The following MARVELD1 variants were observed in gnomAD, a reference collection of about 807,000 sequenced individuals.
The protein encoded by MARVELD1 is MARVEL domain-containing protein 1.
MARVELD1 carries 7 observed loss-of-function variants against 11.3 expected under a neutral mutation model. The ratio of observed to expected loss-of-function variants is 0.62; its 90% CI spans 0.35 to 1.16. The LOEUF (loss-of-function observed/expected upper bound fraction) is 1.16. MARVELD1 is among the 50% of genes most tolerant of loss of function. The pLI is 0.02. For missense variants in MARVELD1, 216 were observed against 243.8 expected (o/e 0.89, Z 0.76); for synonymous variants, 119 against 121.4 (o/e 0.98, Z 0.13).
chr10:97,716,866 C>T (rs540559760), intron 1 of MARVELD1, among the ~76,000 whole-genome samples: 1 of 152,218 alleles, frequency 6.6e-6, no homozygotes, highest in East Asian at 1.9e-4. Flanking sequence ...GGATTTGAAC[C>T]CTGGCAGCCT....
chr10:97,713,909 C>G lies in MARVELD1; in HGVS notation c.33C>G (p.Pro11=), dbSNP rs11189342. ...CGCCGCCCCCGCGCCAGCCGCCGCCCCAGGCGCGTGCGGCCCGCGGCGCGG... is the reference window on the plus strand; with the variant it reads ...CGCCGCCCCCGCGCCAGCCGCCGCCGCAGGCGCGTGCGGCCCGCGGCGCGG... MLPPPPRQPP[P]QARAARGAVR... Residue 11 remains proline, a synonymous_variant, in exon 1 of 2, where the codon CCC becomes CCG. Coordinates refer to ENST00000285605, the MANE Select transcript of MARVELD1 (RefSeq NM_031484.4). The surrounding 1 kb of genome is among the most constrained non-coding windows in gnomAD (Gnocchi z 5.7). The G allele has an allele frequency of 0.28, 322,578 of 1,162,612 alleles. 50,072 individuals are homozygous for G. Among genetic ancestry groups the G allele is most frequent in the East Asian group, 0.65 (13,848 of 21,388 alleles). 72.0% of individuals were successfully genotyped at this position (1,162,612 alleles called of 1,614,324 possible). A position where few individuals can be genotyped will look rare whatever the true frequency, so the allele number is the denominator to read the frequency against.
chr10:97,714,282 G>T lies in MARVELD1; in HGVS notation c.406G>T (p.Ala136Ser). The change falls in exon 1 of 2, where the codon GCC (alanine) becomes TCC (serine). Residue 136 changes from alanine to serine, a missense_variant. Coordinates refer to ENST00000285605, the MANE Select transcript of MARVELD1 (RefSeq NM_031484.4). This position sits in a 1 kb window ranked among gnomAD's most constrained non-coding sequence, Gnocchi z 7.4. Reference protein sequence around the residue: ...CNLKDYPLPCAYHAFLAAAVC... With the variant: ...CNLKDYPLPCSYHAFLAAAVC... ...CCTCAAGGATTACCCGCTCCCCTGC[G>T]CCTACCACGCCTTCCTGGCGGCCGC... The T allele has an allele frequency of 4.6e-6, 7 of 1,536,484 alleles. No individual in the cohort carries two copies. Among genetic ancestry groups the T allele is most frequent in the Non-Finnish European group, 6.1e-6 (7 of 1,146,706 alleles).
At position 97,714,616 on chromosome 10, in the gene MARVELD1, G is replaced by C. The variant is rs1000022448; in HGVS notation, c.*218G>C. 2.1e-6 allele frequency: 1 copy of C among 478,154 alleles called. No homozygotes were observed. The highest frequency in any genetic ancestry group is 3.6e-6 in the Non-Finnish European group (1 of 274,772). 29.6% of individuals were successfully genotyped at this position (478,154 alleles called of 1,614,324 possible). A position where few individuals can be genotyped will look rare whatever the true frequency, so the allele number is the denominator to read the frequency against. On this transcript the variant is annotated 3_prime_UTR_variant, in exon 1 of 2. Coordinates refer to ENST00000285605, the MANE Select transcript of MARVELD1 (RefSeq NM_031484.4). This position sits in a 1 kb window ranked among gnomAD's most constrained non-coding sequence, Gnocchi z 7.4. Reference sequence around the variant, plus strand: ...GCCCAGAATCCCAGCCCAGAATCCCGACCGCCGCGCCGGACGCGCCGTCTC... The same window carrying C: ...GCCCAGAATCCCAGCCCAGAATCCCCACCGCCGCGCCGGACGCGCCGTCTC...
chr10:97,714,357 G>C lies in MARVELD1; in HGVS notation c.481G>C (p.Gly161Arg). 1 of 1,531,578 alleles carries C rather than the reference G, an allele frequency of 6.5e-7. No homozygotes were observed. Among genetic ancestry groups the C allele is most frequent in the Non-Finnish European group, 8.7e-7 (1 of 1,145,072 alleles). The allele number at this position is 1,531,578 out of a possible 1,614,324, so 94.9% of individuals were successfully genotyped here. A position where few individuals can be genotyped will look rare whatever the true frequency, so the allele number is the denominator to read the frequency against. Residue 161 changes from glycine (G) to arginine (R), a missense_variant, in exon 1 of 2, where the codon GGC becomes CGC. By Grantham distance (125) the Gly-to-Arg change is moderately radical. Transcript: ENST00000285605. The surrounding 1 kb of genome is among the most constrained non-coding windows in gnomAD (Gnocchi z 7.4). ...HGLYLLSALY[G>R]CGRRCQGKQE... is the part of the protein sequence containing the mutation. ...CCTCTACCTGCTTTCGGCGCTCTAT[G>C]GCTGCGGGCGTCGCTGCCAGGGCAA...
Position 97,713,896 on chromosome 10 carries a change from G to A in MARVELD1, c.20G>A (p.Arg7His). The change falls in exon 1 of 2, where the codon CGC becomes CAC. Residue 7 changes from arginine to histidine, a missense_variant. Physicochemically the swap from Arg to His is conservative, Grantham distance 29. Coordinates refer to ENST00000285605, the MANE Select transcript of MARVELD1 (RefSeq NM_031484.4). The surrounding 1 kb of genome is among the most constrained non-coding windows in gnomAD (Gnocchi z 5.7). The part of the protein sequence containing the change: MLPPPP[R>H]QPPPQARAAR... ...GGGGCCATGCTCCCGCCGCCCCCGC[G>A]CCAGCCGCCGCCCCAGGCGCGTGCG... is the stretch of plus-strand genomic sequence containing the variant. The A allele has an allele frequency of 2.0e-6, 2 of 1,001,766 alleles. No individual in the cohort carries two copies. Among genetic ancestry groups the A allele is most frequent in the Non-Finnish European group, 2.4e-6 (2 of 828,632 alleles). The allele number at this position is 1,001,766 out of a possible 1,614,324, so 62.1% of individuals were successfully genotyped here. A position where few individuals can be genotyped will look rare whatever the true frequency, so the allele number is the denominator to read the frequency against.
rs2041922367 is a variant in MARVELD1 at position 97,717,853 on chromosome 10, T to C, written c.*2247T>C. ...CACCCTCCCTCAAGGCCCTGTGCCA[T>C]AGGGGTGGCCACCCGACCTGCCCCC... On this transcript the variant is annotated 3_prime_UTR_variant, in exon 2 of 2. Coordinates refer to ENST00000285605, the MANE Select transcript of MARVELD1 (RefSeq NM_031484.4). 6.6e-6 allele frequency: 1 copy of C among 152,286 alleles called. No homozygotes were observed. Among genetic ancestry groups the C allele is most frequent in the East Asian group, 1.9e-4 (1 of 5,182 alleles). The allele number at this position is 152,286 out of a possible 1,614,324, so 9.4% of individuals were successfully genotyped here. A position where few individuals can be genotyped will look rare whatever the true frequency, so the allele number is the denominator to read the frequency against.
rs2041920862 is a variant in MARVELD1, at chr10:97,717,663, A to T, written c.*2057A>T. Reference sequence around the variant, plus strand: ...CTGTGGTCAGGTGACCTTACTCAGGAGCAGATATCTCCTTGGCCGCCATGG... The same window carrying T: ...CTGTGGTCAGGTGACCTTACTCAGGTGCAGATATCTCCTTGGCCGCCATGG... On this transcript the variant is annotated 3_prime_UTR_variant, in exon 2 of 2. Coordinates refer to ENST00000285605, the MANE Select transcript of MARVELD1 (RefSeq NM_031484.4). 1 of 152,266 alleles carries T rather than the reference A, an allele frequency of 6.6e-6. No homozygotes were observed. The highest frequency in any genetic ancestry group is 2.4e-5 in the African/African-American group (1 of 41,404). The allele number at this position is 152,266 out of a possible 1,614,324, so 9.4% of individuals were successfully genotyped here.
At position 97,717,419 on chromosome 10, in the gene MARVELD1, C is replaced by T. The variant is rs1020396284; in HGVS notation, c.*1813C>T. 1 of 152,200 alleles carries T rather than the reference C, an allele frequency of 6.6e-6. No homozygotes were observed. The highest frequency in any genetic ancestry group is 2.4e-5 in the African/African-American group (1 of 41,428). 9.4% of individuals were successfully genotyped at this position (152,200 alleles called of 1,614,324 possible). A position where few individuals can be genotyped will look rare whatever the true frequency, so the allele number is the denominator to read the frequency against. ...CCAGATGGGTGAAGATTGATTTTGC[C>T]TTAACTCAAGAGAATTCCTGTTCTC... On this transcript the variant is annotated 3_prime_UTR_variant, in exon 2 of 2. Transcript: ENST00000285605.
rs747871426 is a variant in MARVELD1 at position 97,714,401 on chromosome 10, C to T, written c.*3C>T. The T allele has an allele frequency of 3.4e-6, 5 of 1,490,884 alleles. No homozygotes were observed. Among genetic ancestry groups the T allele is most frequent in the Non-Finnish European group, 4.4e-6 (5 of 1,128,610 alleles). 92.4% of individuals were successfully genotyped at this position (1,490,884 alleles called of 1,614,324 possible). A position where few individuals can be genotyped will look rare whatever the true frequency, so the allele number is the denominator to read the frequency against. On this transcript the variant is annotated 3_prime_UTR_variant, in exon 1 of 2. Transcript: ENST00000285605. The surrounding 1 kb of genome is among the most constrained non-coding windows in gnomAD (Gnocchi z 7.4). ...AGGGCAAGCAGGAGGTGGCGTGAGG[C>T]CGCCCGCGCCCGCCGCGGCCCCGAT...
intron 1 of MARVELD1, among the ~76,000 whole-genome samples, chr10:97,716,709 A>G (rs2041914786): frequency 6.6e-6 from 1 of 152,144 alleles, no homozygotes; most frequent in South Asian, 2.1e-4. Context: ...GCACGTCTCA[A>G]AGCATTTTAT....
Position 97,714,148 on chromosome 10 carries a change from G to A in MARVELD1, c.272G>A (p.Gly91Asp), listed in dbSNP as rs1406019784. Reference protein sequence around the residue: ...LGKHELVPVLGSRWLMVNVAH... With the variant: ...LGKHELVPVLDSRWLMVNVAH... ...AAGCACGAGCTGGTCCCCGTGCTGG[G>A]CTCGCGCTGGCTCATGGTCAACGTG... Residue 91 changes from glycine to aspartate, a missense_variant, in exon 1 of 2, where the codon GGC becomes GAC. Physicochemically the swap from Gly to Asp is moderately conservative, Grantham distance 94 (BLOSUM62 -1). Coordinates refer to ENST00000285605, the MANE Select transcript of MARVELD1 (RefSeq NM_031484.4). The surrounding 1 kb of genome is among the most constrained non-coding windows in gnomAD (Gnocchi z 7.4). 1 of 1,536,896 alleles carries A rather than the reference G, an allele frequency of 6.5e-7. No homozygotes were observed. The highest frequency in any genetic ancestry group is 2.0e-5 in the Admixed American group (1 of 50,988).
Position 97,715,092 on chromosome 10 carries a change from G to A in MARVELD1, c.*694G>A, listed in dbSNP as rs996057671. On this transcript the variant is annotated 3_prime_UTR_variant, in exon 1 of 2. Transcript: ENST00000285605. Reference sequence around the variant, plus strand: ...GCCGGTGGGTTGTACCCTTACACTTGTGGAGTCTCCTCTTGCCTCTACCTA... The same window carrying A: ...GCCGGTGGGTTGTACCCTTACACTTATGGAGTCTCCTCTTGCCTCTACCTA... 6.6e-6 allele frequency: 1 copy of A among 152,556 alleles called. No homozygotes were observed. Among genetic ancestry groups the A allele is most frequent in the Non-Finnish European group, 1.5e-5 (1 of 68,302 alleles). 9.5% of individuals were successfully genotyped at this position (152,556 alleles called of 1,614,324 possible). A position where few individuals can be genotyped will look rare whatever the true frequency, so the allele number is the denominator to read the frequency against.
chr10:97,717,025 G>A (rs2041916437), intron 1 of MARVELD1, among the ~76,000 whole-genome samples, 169 bp from the exon 2 acceptor site: 1 of 152,154 alleles, frequency 6.6e-6, no homozygotes, highest in South Asian at 2.1e-4. Flanking sequence ...GTGGCATTAA[G>A]AACATTCACA....
Position 97,717,768 on chromosome 10 carries a change from C to T in MARVELD1, c.*2162C>T, listed in dbSNP as rs535915664. 154 of 152,418 alleles carry T rather than the reference C, an allele frequency of 1.0e-3. 2 individuals carry two copies. The South Asian group carries it at 0.028, about 27-fold the overall frequency. 9.4% of individuals were successfully genotyped at this position (152,418 alleles called of 1,614,324 possible). ...ATGTGCCTTCCCGCTTGGCTTCCAGCGGCTTGTGCTCACTCTGTCTGCCAG... is the reference window on the plus strand; with the variant it reads ...ATGTGCCTTCCCGCTTGGCTTCCAGTGGCTTGTGCTCACTCTGTCTGCCAG... On this transcript the variant is annotated 3_prime_UTR_variant, in exon 2 of 2. Transcript: ENST00000285605.
rs2041897207 is a variant in MARVELD1, at chr10:97,714,561, C to G, written c.*163C>G. 1.3e-5 allele frequency: 7 copies of G among 523,594 alleles called. No homozygotes were observed. Among genetic ancestry groups the G allele is most frequent in the Middle Eastern group, 5.1e-4 (1 of 1,968 alleles). The allele number at this position is 523,594 out of a possible 1,614,324, so 32.4% of individuals were successfully genotyped here. A position where few individuals can be genotyped will look rare whatever the true frequency, so the allele number is the denominator to read the frequency against. On this transcript the variant is annotated 3_prime_UTR_variant, in exon 1 of 2. Transcript: ENST00000285605. This position sits in a 1 kb window ranked among gnomAD's most constrained non-coding sequence, Gnocchi z 7.4. ...GCCCGCGCCCGGGAACCCTGACGCT[C>G]AGCTCCCGCCCGACGGCAGCGCCGC...
In MARVELD1 at chr10:97,717,984, C is replaced by A. The variant is rs1305017516; in HGVS notation, c.*2378C>A. On this transcript the variant is annotated 3_prime_UTR_variant, in exon 2 of 2. Coordinates refer to ENST00000285605, the MANE Select transcript of MARVELD1 (RefSeq NM_031484.4). ...GGCAGCTCCCATCCCAGTCTGGGGC[C>A]ATTTGCAGACTCAGGAAAGGATTTC... The A allele has an allele frequency of 6.6e-6, 1 of 152,310 alleles. No homozygotes were observed. The highest frequency in any genetic ancestry group is 6.5e-5 in the Admixed American group (1 of 15,282). The allele number at this position is 152,310 out of a possible 1,614,324, so 9.4% of individuals were successfully genotyped here.
rs2041902784 is a variant in MARVELD1, at chr10:97,715,174, C to T, written c.*776C>T. 1 of 152,500 alleles carries T rather than the reference C, an allele frequency of 6.6e-6. No individual in the cohort carries two copies. The highest frequency in any genetic ancestry group is 2.4e-5 in the African/African-American group (1 of 41,454). 9.4% of individuals were successfully genotyped at this position (152,500 alleles called of 1,614,324 possible). ...CAGTGCCAAACACACACTAACTGTCCTGGCCTCTCCGTGACACAAGTCTCT... is the reference window on the plus strand; with the variant it reads ...CAGTGCCAAACACACACTAACTGTCTTGGCCTCTCCGTGACACAAGTCTCT... On this transcript the variant is annotated 3_prime_UTR_variant, in exon 1 of 2. Transcript: ENST00000285605.
At chr10:97,716,735 C>G (rs2041914928) in intron 1 of MARVELD1, among the ~76,000 whole-genome samples, 1 of 152,122 alleles carries the variant, frequency 6.6e-6, no homozygotes, top group Non-Finnish European at 1.5e-5. Context: ...TCCATTGATT[C>G]TCTCAGTAAC....
intron 1 of MARVELD1, among the ~76,000 whole-genome samples, chr10:97,716,781 C>T (rs913572605): frequency 3.3e-5 from 5 of 152,064 alleles, no homozygotes; most frequent in African/African-American, 1.2e-4. Context: ...TTGCCATATT[C>T]CAAATGAGGA....
Sources: gnomAD v4.1 joint callset for allele counts (sites outside exome capture counted in the v4.1 genomes callset) on GRCh38, gnomAD v4.1.1 for gene constraint, Gnocchi (gnomAD v3.1) non-coding constraint, MANE v1.5 for transcripts, NCBI Gene and HGNC (gene_info 2026-07-23, HGNC 2026-07-21) for gene names.